The following CNTN4 variants were observed in gnomAD, a reference collection of about 807,000 sequenced individuals.
The protein encoded by CNTN4 is contactin 4.
A neutral mutation model predicts 122.5 loss-of-function variants in CNTN4; 77 were observed. The observed-to-expected ratio is 0.63, with a 90% CI of 0.52 to 0.76. The LOEUF (loss-of-function observed/expected upper bound fraction) is 0.76. Among genes scored for constraint, CNTN4 ranks in the 30% least tolerant of loss-of-function variants. The probability of loss-of-function intolerance (pLI) is 0.00; values close to 1 mark genes in which losing one functional copy is unlikely to be tolerated. For missense variants in CNTN4, 1,256 were observed against 1,259.1 expected (o/e 1.00, Z 0.04); for synonymous variants, 512 against 447.0 (o/e 1.15, Z -1.83).
chr3:2,415,921 C>A (rs1490265681), intron 3 of CNTN4, among the ~76,000 whole-genome samples: 2 of 152,070 alleles, frequency 1.3e-5, no homozygotes, highest in Non-Finnish European at 2.9e-5. Context: ...AAAGTTATAA[C>A]CTACATTTGT....
intron 2 of CNTN4, among the ~76,000 whole-genome samples, chr3:2,111,828 T>A (rs1232641446): frequency 6.6e-6 from 1 of 152,128 alleles, no homozygotes; most frequent in Non-Finnish European, 1.5e-5. Context: ...AAAATGCTGT[T>A]TATCATGATT....
At chr3:2,837,442 A>T (rs1027932223) in intron 7 of CNTN4, among the ~76,000 whole-genome samples, 1 of 152,132 alleles carries the variant, frequency 6.6e-6, no homozygotes, top group African/African-American at 2.4e-5. Context: ...TCCTGCCTGG[A>T]GCTGTTCTGA....
Position 2,339,728 on chromosome 3 carries a change from A to C in CNTN4, c.-89+495A>C, listed in dbSNP as rs535680304. On this transcript the variant is annotated intron_variant, in intron 3 of 24. Transcript: ENST00000418658. ...GTATGCAAATTTTTTCCTTAATAAA[A>C]TATATAGATGTAAAACAGTAAAATG... 5.3e-5 allele frequency among the ~76,000 whole-genome samples: 8 copies of C among 151,786 alleles called. No homozygotes were observed. In the South Asian group the frequency reaches 1.7e-3, roughly 32 times the overall value.
chr3:2,854,498 C>T (rs2093597186), intron 7 of CNTN4, among the ~76,000 whole-genome samples: 2 of 151,996 alleles, frequency 1.3e-5, no homozygotes, highest in Admixed American at 1.3e-4. Flanking sequence ...GTCTCGATCT[C>T]CTGACCTCAA....
intron 4 of CNTN4, among the ~76,000 whole-genome samples, chr3:2,646,459 A>C (rs2083123434): frequency 6.6e-6 from 1 of 152,166 alleles, no homozygotes; most frequent in Non-Finnish European, 1.5e-5. Flanking sequence ...ACCTCGTATA[A>C]TCGTGGTCAG....
At chr3:2,628,806 G>T (rs2082305549) in intron 4 of CNTN4, among the ~76,000 whole-genome samples, 2 of 152,166 alleles carry the variant, frequency 1.3e-5, no homozygotes, top group East Asian at 3.9e-4. Context: ...CAAAAAAGTG[G>T]TTTTTAATCA....
intron 3 of CNTN4, among the ~76,000 whole-genome samples, chr3:2,481,583 A>G (rs114473096): frequency 0.01 from 1,541 of 152,308 alleles, 10 homozygotes; most frequent in Middle Eastern, 0.037. Flanking sequence ...CGACATGTAA[A>G]ATTTAAAACT....
chr3:2,288,636 C>T (rs926586208), intron 2 of CNTN4, among the ~76,000 whole-genome samples: 1 of 152,036 alleles, frequency 6.6e-6, no homozygotes, highest in Non-Finnish European at 1.5e-5. Context: ...CACTGAGATC[C>T]TTAAACAGTT....
chr3:2,629,170 A>T (rs1576280121), intron 4 of CNTN4, among the ~76,000 whole-genome samples: 1 of 152,114 alleles, frequency 6.6e-6, no homozygotes, highest in Non-Finnish European at 1.5e-5. Flanking sequence ...TGCCGTCTTT[A>T]TAATAAGGGG....
chr3:2,799,390 C>G (rs912349001), intron 6 of CNTN4, among the ~76,000 whole-genome samples: 5 of 152,110 alleles, frequency 3.3e-5, no homozygotes, highest in Admixed American at 3.3e-4. Context: ...TGAAATCTTA[C>G]TCATGGATTG....
At chr3:2,547,377 C>T (rs1479444233) in intron 3 of CNTN4, among the ~76,000 whole-genome samples, 1 of 152,098 alleles carries the variant, frequency 6.6e-6, no homozygotes, top group East Asian at 1.9e-4. Context: ...GATTCTTTGG[C>T]CACAGCCTCC....
chr3:2,943,335 A>T (rs1013497198), intron 13 of CNTN4, among the ~76,000 whole-genome samples: 1 of 152,130 alleles, frequency 6.6e-6, no homozygotes, highest in African/African-American at 2.4e-5. Flanking sequence ...AGCTATCCCA[A>T]TATAGCATAA....
intron 7 of CNTN4, among the ~76,000 whole-genome samples, chr3:2,834,101 G>A (rs968833953): frequency 6.6e-5 from 10 of 151,614 alleles, no homozygotes; most frequent in African/African-American, 7.3e-5. Context: ...AGCCGAGATC[G>A]CCACTGCTCT....
At chr3:3,048,520 G>GTGTGTGTGTGTGTGTGTGTGTGTGTATT (rs1700917086) in intron 23 of CNTN4, among the ~76,000 whole-genome samples, 1 of 129,276 alleles carries the variant, frequency 7.7e-6, no homozygotes, top group Non-Finnish European at 1.6e-5. Flanking sequence ...CTCTCTCTGT[G>GTGTGTGTGTGTGTGTGTGTGTGTGTATT]TGTGTGTGTG....
chr3:2,603,722 T>C (rs1462172408), intron 4 of CNTN4, among the ~76,000 whole-genome samples: 1 of 152,222 alleles, frequency 6.6e-6, no homozygotes, highest in African/African-American at 2.4e-5. Flanking sequence ...GTCTATTACT[T>C]CTTCAACAAA....
intron 3 of CNTN4, among the ~76,000 whole-genome samples, chr3:2,473,992 C>T (rs891975968): frequency 6.7e-5 from 10 of 150,248 alleles, no homozygotes; most frequent in African/African-American, 1.7e-4. Flanking sequence ...CCAGCCTGGG[C>T]GACAAAAGCA....
At chr3:2,985,862 T>A (rs958977876) in intron 13 of CNTN4, among the ~76,000 whole-genome samples, 1 of 151,596 alleles carries the variant, frequency 6.6e-6, no homozygotes, top group African/African-American at 2.4e-5. Context: ...TATATTAAAA[T>A]GATGTTGTCC....
intron 2 of CNTN4, among the ~76,000 whole-genome samples, chr3:2,328,801 A>T (rs1474115405): frequency 6.6e-6 from 1 of 152,188 alleles, no homozygotes; most frequent in South Asian, 2.1e-4. Flanking sequence ...CAGGAGTCAC[A>T]TGTAAATACG....
intron 6 of CNTN4, among the ~76,000 whole-genome samples, chr3:2,789,921 T>C (rs1301005762): frequency 1.3e-5 from 2 of 152,242 alleles, no homozygotes; most frequent in Non-Finnish European, 2.9e-5. Flanking sequence ...AAAGTGCTTA[T>C]GGTGTTTAGC....
Sources: gnomAD v4.1 joint callset for allele counts (sites outside exome capture counted in the v4.1 genomes callset) on GRCh38, gnomAD v4.1.1 for gene constraint, MANE v1.5 for transcripts, NCBI Gene and HGNC (gene_info 2026-07-23, HGNC 2026-07-21) for gene names.